The following FKBP9 variants were observed in gnomAD, a reference collection of about 807,000 sequenced individuals.
FKBP9 encodes FKBP prolyl isomerase 9.
Under a neutral mutation model 55.6 loss-of-function variants are expected in FKBP9, and 27 were observed. The ratio of observed to expected loss-of-function variants is 0.49; its 90% confidence interval spans 0.36 to 0.67. The LOEUF is 0.67. Among genes scored for constraint, FKBP9 ranks in the 30% least tolerant of loss-of-function variants. The probability of loss-of-function intolerance (pLI) is 0.00; values close to 1 mark genes in which losing one functional copy is unlikely to be tolerated. For synonymous variants in FKBP9, 267 were observed against 296.5 expected (o/e 0.90, Z 1.02); for missense variants, 539 against 742.8 (o/e 0.73, Z 3.19).
rs557384505 is a variant in FKBP9, at chr7:32,983,566, C to T, written c.893+3013C>T. Among the ~76,000 whole-genome samples, 36 of 152,174 alleles carry T rather than the reference C, an allele frequency of 2.4e-4. 1 individual carries two copies. In the South Asian group the frequency reaches 5.6e-3, roughly 24 times the overall value. ...CTGACCTCAAGTCATCTGCCCGCCT[C>T]GGCCTCCCAAAGTGCTGGGATTACA... On this transcript the variant is annotated intron_variant, in intron 5 of 9. Transcript: ENST00000242209.
chr7:32,992,642 A>T (rs1368356815), intron 6 of FKBP9: 3 of 187,098 alleles, frequency 1.6e-5, no homozygotes, highest in Non-Finnish European at 3.4e-5. Context: ...AGCAAGATAG[A>T]GGGATAGAGG....
chr7:32,991,974 T>C (rs1784692736), intron 6 of FKBP9, among the ~76,000 whole-genome samples: 1 of 152,150 alleles, frequency 6.6e-6, no homozygotes, highest in South Asian at 2.1e-4. Flanking sequence ...ATTACCCTCA[T>C]TGTTTAGAAA....
At chr7:32,992,349 C>T (rs1177298594) in intron 6 of FKBP9, among the ~76,000 whole-genome samples, 3 of 140,418 alleles carry the variant, frequency 2.1e-5, no homozygotes, top group South Asian at 4.6e-4. Flanking sequence ...GCAGAGGAAA[C>T]CCACCCACCG....
Position 32,957,481 on chromosome 7 carries a change from C to T in FKBP9, c.-93C>T. On this transcript the variant is annotated 5_prime_UTR_variant, in exon 1 of 10. Coordinates refer to ENST00000242209, the MANE Select transcript of FKBP9 (RefSeq NM_007270.5). ...TGCAGCCCGGGTAGGGCCAGGAGAC[C>T]CGGTCCACGTTTGCAAACGCAGCCG... 1.0e-6 allele frequency: 1 copy of T among 984,398 alleles called. No individual in the cohort carries two copies. Among genetic ancestry groups the T allele is most frequent in the Non-Finnish European group, 1.4e-6 (1 of 736,944 alleles). The allele number at this position is 984,398 out of a possible 1,614,324, so 61.0% of individuals were successfully genotyped here. A position where few individuals can be genotyped will look rare whatever the true frequency, so the allele number is the denominator to read the frequency against.
At chr7:32,977,873 ATATATATATG>A (rs1562567349) in intron 4 of FKBP9, among the ~76,000 whole-genome samples, 39 of 133,358 alleles carry the variant, frequency 2.9e-4, no homozygotes, top group African/African-American at 1.1e-3. Flanking sequence ...ACATGCCCAT[ATATATATATG>A]TATATATACA....
intron 4 of FKBP9, among the ~76,000 whole-genome samples, chr7:32,979,195 G>A (rs11769898): frequency 0.37 from 56,063 of 151,918 alleles, 10,843 homozygotes; most frequent in South Asian, 0.49. Context: ...CTTGAACCCA[G>A]GAGGCGAAGG....
At chr7:32,999,060 G>A (rs1014340272) in intron 7 of FKBP9, among the ~76,000 whole-genome samples, 1 of 152,216 alleles carries the variant, frequency 6.6e-6, no homozygotes, top group African/African-American at 2.4e-5. Context: ...CCCAGAGAAA[G>A]GCAGGCAGTG....
At chr7:32,958,889 G>A (rs1783959533) in intron 1 of FKBP9, among the ~76,000 whole-genome samples, 1 of 152,176 alleles carries the variant, frequency 6.6e-6, no homozygotes, top group African/African-American at 2.4e-5. Flanking sequence ...ACCCTGGTCT[G>A]TGCCAGCACT....
At chr7:32,999,475 CTTTT>C (rs528265138) in intron 7 of FKBP9, among the ~76,000 whole-genome samples, 2 of 128,412 alleles carry the variant, frequency 1.6e-5, no homozygotes, top group African/African-American at 2.8e-5. Flanking sequence ...TCTTGGTGGT[CTTTT>C]TTTTTTTTTT....
intron 1 of FKBP9, among the ~76,000 whole-genome samples, chr7:32,967,124 C>CATTCGA (rs1328549823): frequency 7.9e-5 from 12 of 152,186 alleles, no homozygotes; most frequent in African/African-American, 2.9e-4. Flanking sequence ...CTGTCTCTGT[C>CATTCGA]ATTCAAGCTC....
chr7:32,974,733 C>G lies in FKBP9; in HGVS notation c.338C>G (p.Pro113Arg). 1 of 1,613,822 alleles carries G rather than the reference C, an allele frequency of 6.2e-7. No individual in the cohort carries two copies. The highest frequency in any genetic ancestry group is 1.1e-5 in the South Asian group (1 of 91,038). The change falls in exon 2 of 10, where the codon CCA becomes CGA. Residue 113 changes from proline (P) to arginine (R), a missense_variant. By Grantham distance (103) the Pro-to-Arg change is moderately radical. Around this residue, in one of 4 missense-constraint regions of FKBP9, gnomAD observed 236 missense variants for 271.5 expected, o/e 0.87. Transcript: ENST00000242209. ...GAGAGACGTTTCGTGAAGATTCCCC[C>G]AAAGCTTGCCTACGGAAATGAAGGA... ...VNERRFVKIP[P>R]KLAYGNEGVS... is the part of the protein sequence containing the mutation.
intron 8 of FKBP9, among the ~76,000 whole-genome samples, chr7:33,001,370 C>T (rs1004487552): frequency 3.3e-5 from 5 of 151,930 alleles, no homozygotes; most frequent in African/African-American, 1.2e-4. Flanking sequence ...GGGTGAAACC[C>T]CGTCTCTACA....
At chr7:32,970,624 T>C (rs1351815935) in intron 1 of FKBP9, among the ~76,000 whole-genome samples, 1 of 149,410 alleles carries the variant, frequency 6.7e-6, no homozygotes, top group Non-Finnish European at 1.5e-5. Flanking sequence ...GTTCATTTCC[T>C]TTTTTAAGAT....
intron 6 of FKBP9, among the ~76,000 whole-genome samples, chr7:32,990,571 C>G (rs912210340): frequency 5.3e-5 from 8 of 152,092 alleles, no homozygotes; most frequent in African/African-American, 1.9e-4. Context: ...AAAAAAAATG[C>G]CCACCTACAC....
chr7:32,957,702 GC>G lies in FKBP9; in HGVS notation c.132del (p.Asp45ThrfsTer46). 6.5e-7 allele frequency: 1 copy of G among 1,541,492 alleles called. No homozygotes were observed. The highest frequency in any genetic ancestry group is 8.7e-7 in the Non-Finnish European group (1 of 1,153,324). On this transcript the variant is annotated frameshift_variant, in exon 1 of 10. Transcript: ENST00000242209. LOFTEE classifies it high-confidence loss of function. ...AELQIERRFVPDECPRTVRSG... is the reference protein window; with the variant it reads ...AELQIERRFVXDECPRTVRSG... ...AGCTGCAGATCGAGCGGCGCTTCGT[GC>G]CCGACGAGTGCCCGCGCACCGTGCG...
chr7:33,004,561 T>C (rs1431078851), intron 9 of FKBP9, among the ~76,000 whole-genome samples: 2 of 152,182 alleles, frequency 1.3e-5, no homozygotes, highest in African/African-American at 4.8e-5. Context: ...AATCTTCCCT[T>C]CTCCTTAAAG....
intron 1 of FKBP9, among the ~76,000 whole-genome samples, chr7:32,972,740 CAA>C (rs1480846016): frequency 2.0e-5 from 3 of 152,018 alleles, no homozygotes; most frequent in African/African-American, 4.8e-5. Flanking sequence ...CTTTTTGAGA[CAA>C]AGTTTCACTC....
intron 1 of FKBP9, 22 bp downstream of exon 1, chr7:32,957,816 G>A: frequency 7.0e-7 from 1 of 1,420,698 alleles, no homozygotes; most frequent in Non-Finnish European, 9.2e-7. Flanking sequence ...TTGGCGCCCG[G>A]CGCGGCCTCA....
intron 6 of FKBP9, chr7:32,992,808 G>C (rs1784710766): frequency 4.4e-6 from 1 of 227,488 alleles, no homozygotes; most frequent in Non-Finnish European, 8.7e-6. Context: ...GGATTCAGCA[G>C]AAAGAAACAC....
Sources: allele counts gnomAD v4.1 joint callset (sites outside exome capture counted in the v4.1 genomes callset), GRCh38; gene constraint gnomAD v4.1.1; regional missense constraint gnomAD v4.1.1; transcripts MANE v1.5; gene names NCBI Gene and HGNC (gene_info 2026-07-23, HGNC 2026-07-21).